Variants in YEATS2 observed in about 807,000 individuals in gnomAD.
YEATS2 encodes YEATS domain-containing protein 2.
YEATS2 carries 77 observed loss-of-function variants against 163.2 expected under a neutral mutation model. That is an observed-to-expected ratio of 0.47 (90% CI 0.39 to 0.57). The LOEUF (loss-of-function observed/expected upper bound fraction) is 0.57. Among genes scored for constraint, YEATS2 ranks in the 20% least tolerant of loss-of-function variants. YEATS2 has a pLI of 0.00. For missense variants in YEATS2, 1,549 were observed against 1,729.8 expected (o/e 0.90, Z 1.85); for synonymous variants, 631 against 645.1 (o/e 0.98, Z 0.33).
intron 27 of YEATS2, among the ~76,000 whole-genome samples, chr3:183,805,806 A>G (rs1348431362): frequency 6.6e-6 from 1 of 151,504 alleles, no homozygotes; most frequent in Non-Finnish European, 1.5e-5. Flanking sequence ...AAGGGGGGGC[A>G]AGTCCCAGTT....
At chr3:183,775,805 A>G (rs1722931546) in intron 17 of YEATS2, 110 bp from the exon 18 acceptor site, 1 of 1,518,986 alleles carries the variant, frequency 6.6e-7, no homozygotes, top group Admixed American at 1.7e-5. Flanking sequence ...AATGGGAAAG[A>G]AGAAGGAATG....
At chr3:183,761,437 A>T in intron 13 of YEATS2, 70 bp from the exon 14 acceptor site, 1 of 1,351,342 alleles carries the variant, frequency 7.4e-7, no homozygotes, top group Non-Finnish European at 1.1e-6. Context: ...TTTGTATTAA[A>T]TATAAGTGAC....
chr3:183,797,846 AT>A (rs1264486234), intron 21 of YEATS2, 76 bp from the exon 22 acceptor site: 1 of 1,568,540 alleles, frequency 6.4e-7, no homozygotes, highest in Admixed American at 1.8e-5. Context: ...ATGACAAAAT[AT>A]GGGTAGCACA....
intron 8 of YEATS2, among the ~76,000 whole-genome samples, chr3:183,747,059 T>C (rs997323528): frequency 1.4e-4 from 21 of 152,210 alleles, no homozygotes; most frequent in African/African-American, 3.9e-4. Flanking sequence ...TTGTTTATAT[T>C]ATTAACATAC....
intron 4 of YEATS2, 36 bp from the exon 5 acceptor site, chr3:183,721,855 A>C: frequency 6.2e-7 from 1 of 1,606,558 alleles, no homozygotes. Context: ...GATGGATTTG[A>C]TTAAAAATTT....
Position 183,717,645 on chromosome 3 carries a change from G to A in YEATS2, c.101-6G>A. 1 of 1,554,232 alleles carries A rather than the reference G, an allele frequency of 6.4e-7. No homozygotes were observed. The highest frequency in any genetic ancestry group is 8.6e-7 in the Non-Finnish European group (1 of 1,158,698). ...GCCTTGGATGTATTTTATGTTCTTT[G>A]TACAGCTCGAGATGCTGCTGTGCAG... On this transcript the variant is annotated splice_polypyrimidine_tract_variant and splice_region_variant and intron_variant, in intron 2 of 30. Coordinates refer to ENST00000305135, the MANE Select transcript of YEATS2 (RefSeq NM_018023.5).
At chr3:183,802,546 C>CACGT in intron 25 of YEATS2, 1 of 144,142 alleles carries the variant, frequency 6.9e-6, no homozygotes, top group South Asian at 2.1e-4. Flanking sequence ...TATATACACA[C>CACGT]ACACATATTT....
At chr3:183,803,560 GT>G in intron 26 of YEATS2, 1 of 581,826 alleles carries the variant, frequency 1.7e-6, no homozygotes, top group East Asian at 3.0e-5. Flanking sequence ...TTTTTTCTGA[GT>G]TTCAGAGTTT....
intron 13 of YEATS2, 130 bp from the exon 14 acceptor site, chr3:183,761,377 G>A (rs1470698454): frequency 6.9e-6 from 6 of 875,904 alleles, no homozygotes; most frequent in Non-Finnish European, 1.1e-5. Flanking sequence ...GTGAGCTACC[G>A]CACCCAGCCA....
chr3:183,706,971 G>C (rs1359627641), intron 1 of YEATS2, among the ~76,000 whole-genome samples: 1 of 152,176 alleles, frequency 6.6e-6, no homozygotes, highest in Non-Finnish European at 1.5e-5. Flanking sequence ...TCAAAACTTT[G>C]TGTTATGTTT....
chr3:183,705,107 G>A (rs973499193), intron 1 of YEATS2, among the ~76,000 whole-genome samples: 1 of 151,974 alleles, frequency 6.6e-6, no homozygotes, highest in Non-Finnish European at 1.5e-5. Context: ...GAGGTGCAAC[G>A]GCGCGATCTC....
chr3:183,755,149 C>G (rs1488774285), intron 11 of YEATS2, among the ~76,000 whole-genome samples: 2 of 151,764 alleles, frequency 1.3e-5, no homozygotes, highest in East Asian at 3.9e-4. Context: ...GAGTTTCACT[C>G]TTGTCACCTA....
chr3:183,773,253 T>C (rs1560297537), intron 16 of YEATS2, among the ~76,000 whole-genome samples: 1 of 152,164 alleles, frequency 6.6e-6, no homozygotes, highest in Non-Finnish European at 1.5e-5. Context: ...GGAAAATATG[T>C]AATCCTCCAT....
intron 15 of YEATS2, among the ~76,000 whole-genome samples, chr3:183,769,793 A>G (rs1722268822): frequency 6.6e-6 from 1 of 152,030 alleles, no homozygotes; most frequent in Non-Finnish European, 1.5e-5. Context: ...CCCAGGTTCA[A>G]GCGATTCTGC....
chr3:183,810,402 G>A (rs1726685760), intron 30 of YEATS2, 73 bp from the exon 31 acceptor site: 1 of 1,364,798 alleles, frequency 7.3e-7, no homozygotes, highest in Admixed American at 1.8e-5. Flanking sequence ...TCCCTGTGAT[G>A]AGTTAAGTGA....
At position 183,795,980 on chromosome 3, in the gene YEATS2, GTT is replaced by G. The variant is rs11287278; in HGVS notation, c.3098-1925_3098-1924del. ...AAGTATCTTTAGCTCTTGATGCTGG[GTT>G]TTTTTTTTTTTTTTTTTGAGACGGA... is the stretch of plus-strand genomic sequence containing the variant. On this transcript the variant is annotated intron_variant, in intron 21 of 30. Coordinates refer to ENST00000305135, the MANE Select transcript of YEATS2 (RefSeq NM_018023.5). Among the ~76,000 whole-genome samples, 174 of 80,394 alleles carry G rather than the reference GTT, an allele frequency of 2.2e-3. 1 individual carries two copies. The highest frequency in any genetic ancestry group is 4.1e-3 in the East Asian group (12 of 2,944). 52.7% of individuals were successfully genotyped at this position (80,394 alleles called of 152,430 possible).
intron 25 of YEATS2, chr3:183,802,487 ATGTGTGTGTG>A (rs10663581): frequency 1.7e-4 from 25 of 145,252 alleles, no homozygotes; most frequent in Non-Finnish European, 1.5e-4. Flanking sequence ...TCTCTTATAT[ATGTGTGTGTG>A]TGTGTGTGTG....
intron 17 of YEATS2, 102 bp downstream of exon 17, chr3:183,773,896 TG>T (rs1202462641): frequency 3.7e-6 from 5 of 1,353,238 alleles, no homozygotes; most frequent in Middle Eastern, 1.9e-4. Context: ...GAAGCATTTC[TG>T]TAACTCTGTT....
chr3:183,714,822 C>A (rs555068455), intron 1 of YEATS2, among the ~76,000 whole-genome samples: 7 of 152,018 alleles, frequency 4.6e-5, no homozygotes, highest in Non-Finnish European at 8.8e-5. Context: ...AAGCCAGGCT[C>A]CTTTTGAAAA....
Sources: allele counts gnomAD v4.1 joint callset (sites outside exome capture counted in the v4.1 genomes callset), GRCh38; gene constraint gnomAD v4.1.1; transcripts MANE v1.5; gene names NCBI Gene and HGNC (gene_info 2026-07-23, HGNC 2026-07-21).